Variants in MYLK4 observed in about 807,000 individuals in gnomAD.
MYLK4 encodes the protein myosin light chain kinase family member 4.
MYLK4 carries 46 observed loss-of-function variants against 48.1 expected under a neutral mutation model. That is an observed-to-expected ratio of 0.96 (90% CI 0.75 to 1.22). The LOEUF (loss-of-function observed/expected upper bound fraction) is 1.22. MYLK4 is among the 50% of genes most tolerant of loss of function. The pLI, the probability that MYLK4 is intolerant of heterozygous loss-of-function variation, is 0.00. For synonymous variants in MYLK4, 170 were observed against 180.8 expected (o/e 0.94, Z 0.48); for missense variants, 451 against 486.1 (o/e 0.93, Z 0.68).
At chr6:2,707,067 A>C (rs1353831790) in intron 2 of MYLK4, among the ~76,000 whole-genome samples, 1 of 152,224 alleles carries the variant, frequency 6.6e-6, no homozygotes, top group Non-Finnish European at 1.5e-5. Context: ...TAAATATCAC[A>C]GGAACATACC....
At chr6:2,732,242 C>G (rs1452881703) in intron 2 of MYLK4, among the ~76,000 whole-genome samples, 1 of 152,152 alleles carries the variant, frequency 6.6e-6, no homozygotes, top group Non-Finnish European at 1.5e-5. Context: ...GAGTGCTAAC[C>G]TTGAGCCAGG....
rs188960097 is a variant in MYLK4, at chr6:2,690,892, C to T, written c.235+1892G>A. Among the ~76,000 whole-genome samples, 502 of 137,082 alleles carry T rather than the reference C, an allele frequency of 3.7e-3. 2 individuals carry two copies. Among genetic ancestry groups the T allele is most frequent in the South Asian group, 0.013 (57 of 4,422 alleles). 89.9% of individuals were successfully genotyped at this position (137,082 alleles called of 152,430 possible). On this transcript the variant is annotated intron_variant, in intron 3 of 12. Transcript: ENST00000274643. ...TCGCCCAGGCTGGAGTGCAGTGGCG[C>T]GATCTCGGCTCACTGCAAGCTCCGC...
chr6:2,744,670 CT>C (rs1764013600), intron 2 of MYLK4, among the ~76,000 whole-genome samples: 1 of 152,118 alleles, frequency 6.6e-6, no homozygotes, highest in African/African-American at 2.4e-5. Flanking sequence ...AAATATTTTG[CT>C]TTGCTTGGTC....
chr6:2,768,013 T>C, the MYLK4 span, among the ~76,000 whole-genome samples: 4 of 152,344 alleles, frequency 2.6e-5, no homozygotes, highest in Admixed American at 6.5e-5. Flanking sequence ...TCTCATCCTT[T>C]AGTACTAATA....
intron 2 of MYLK4, among the ~76,000 whole-genome samples, chr6:2,705,865 T>C (rs1440618030): frequency 6.9e-6 from 1 of 144,856 alleles, no homozygotes; most frequent in Admixed American, 6.9e-5. Context: ...AAGCTCAAAA[T>C]AAGACAAAGA....
intron 11 of MYLK4, 65 bp from the exon 12 acceptor site, chr6:2,671,413 C>A: frequency 6.8e-7 from 1 of 1,464,920 alleles, no homozygotes; most frequent in South Asian, 1.2e-5. Flanking sequence ...GACTTATGAG[C>A]TCACATGAAA....
intron 2 of MYLK4, among the ~76,000 whole-genome samples, chr6:2,717,634 C>T (rs935005678): frequency 2.0e-5 from 3 of 152,188 alleles, no homozygotes; most frequent in African/African-American, 7.2e-5. Flanking sequence ...CACTAAGACG[C>T]CCTCATCCAA....
chr6:2,675,056 G>T lies in MYLK4; in HGVS notation c.1110C>A (p.Leu370=). The change falls in exon 11 of 13, where the codon CTC becomes CTA. Residue 370 remains leucine (L), a synonymous_variant. Transcript: ENST00000274643. The part of the protein sequence containing the change: ...WLSDHKLHSR[L]NAQKKKNRGS... ...AAGAAGCCGTGGTCACCTGGGCATT[G>T]AGTCTGGAGTGGAGCTTGTGGTCTG... 1 of 1,613,692 alleles carries T rather than the reference G, an allele frequency of 6.2e-7. No homozygotes were observed. Among genetic ancestry groups the T allele is most frequent in the Non-Finnish European group, 8.5e-7 (1 of 1,179,606 alleles).
At chr6:2,754,726 AAGG>A (rs76195674), upstream of MYLK4, among the ~76,000 whole-genome samples, 1,846 of 152,368 alleles carry the variant, frequency 0.012, 29 homozygotes, top group South Asian at 0.062. Flanking sequence ...AGCTTGTTAA[AAGG>A]AGAGGAAAAA....
chr6:2,762,941 T>C, the MYLK4 span, among the ~76,000 whole-genome samples: 2 of 152,142 alleles, frequency 1.3e-5, no homozygotes, highest in South Asian at 2.1e-4. Context: ...ATTAAGACAA[T>C]TCAGACCCAA....
rs1239544167 is a variant in MYLK4 at position 2,749,328 on chromosome 6, A to G, written c.-34T>C. 2 of 1,589,418 alleles carry G rather than the reference A, an allele frequency of 1.3e-6. No individual in the cohort carries two copies. Among genetic ancestry groups the G allele is most frequent in the East Asian group, 2.2e-5 (1 of 44,556 alleles). ...TGAGTCCGATTAAGCTACTTTCTGGAGTGTGGTTTTCGTCTCCCTCTGTCT... is the reference window on the plus strand; with the variant it reads ...TGAGTCCGATTAAGCTACTTTCTGGGGTGTGGTTTTCGTCTCCCTCTGTCT... On this transcript the variant is annotated 5_prime_UTR_variant, in exon 2 of 13. Coordinates refer to ENST00000274643, the MANE Select transcript of MYLK4 (RefSeq NM_001012418.5).
chr6:2,694,601 G>GGTAGTGTTCTGGTGGTAGTA (rs1761986497), intron 2 of MYLK4, among the ~76,000 whole-genome samples: 20 of 141,860 alleles, frequency 1.4e-4, no homozygotes, highest in Non-Finnish European at 2.0e-4. Context: ...TGGTGGTGGT[G>GGTAGTGTTCTGGTGGTAGTA]GTGATGATTG....
At chr6:2,724,917 G>A (rs541738081) in intron 2 of MYLK4, among the ~76,000 whole-genome samples, 4 of 152,130 alleles carry the variant, frequency 2.6e-5, no homozygotes, top group Admixed American at 6.5e-5. Flanking sequence ...TTGGGAGGCC[G>A]AGGTGGACGG....
chr6:2,728,134 T>C (rs561247492), intron 2 of MYLK4, among the ~76,000 whole-genome samples: 2 of 152,234 alleles, frequency 1.3e-5, no homozygotes, highest in East Asian at 3.9e-4. Flanking sequence ...GTAGCAGAGC[T>C]GATATCTCTA....
At chr6:2,753,241 G>A (rs1164265695), upstream of MYLK4, among the ~76,000 whole-genome samples, 1 of 152,136 alleles carries the variant, frequency 6.6e-6, no homozygotes, top group African/African-American at 2.4e-5. Context: ...TGTTGTCAAA[G>A]GAGCCACATG....
At chr6:2,746,809 G>A (rs1764109647) in intron 2 of MYLK4, among the ~76,000 whole-genome samples, 1 of 152,220 alleles carries the variant, frequency 6.6e-6, no homozygotes, top group Admixed American at 6.5e-5. Context: ...CCCAGCAGAA[G>A]ATGAAGACGT....
At chr6:2,683,820 G>T (rs547828712) in intron 6 of MYLK4, among the ~76,000 whole-genome samples, 1 of 152,038 alleles carries the variant, frequency 6.6e-6, no homozygotes, top group Non-Finnish European at 1.5e-5. Context: ...CTCCAGGAGG[G>T]GAACTCCAAG....
chr6:2,743,234 AT>A (rs1763959440), intron 2 of MYLK4, among the ~76,000 whole-genome samples: 1 of 152,250 alleles, frequency 6.6e-6, no homozygotes, highest in Non-Finnish European at 1.5e-5. Flanking sequence ...ACTGTTTTCC[AT>A]AGTGCTTTCT....
the MYLK4 span, among the ~76,000 whole-genome samples, chr6:2,763,018 T>C: frequency 6.6e-6 from 1 of 152,182 alleles, no homozygotes; most frequent in African/African-American, 2.4e-5. Context: ...CAAGCGGGTC[T>C]CCATCGCCAG....
Sources: allele counts gnomAD v4.1 joint callset (sites outside exome capture counted in the v4.1 genomes callset), GRCh38; gene constraint gnomAD v4.1.1; transcripts MANE v1.5; gene names NCBI Gene and HGNC (gene_info 2026-07-23, HGNC 2026-07-21).